The following NPEPPS variants were observed in gnomAD, a reference collection of about 807,000 sequenced individuals.
The protein encoded by NPEPPS is aminopeptidase puromycin sensitive.
NPEPPS carries 14 observed loss-of-function variants against 115.5 expected under a neutral mutation model. The ratio of observed to expected loss-of-function variants is 0.12; its 90% CI spans 0.08 to 0.19. The LOEUF (loss-of-function observed/expected upper bound fraction) is 0.19. Among genes scored for constraint, NPEPPS ranks in the 10% least tolerant of loss-of-function variants. The probability of loss-of-function intolerance (pLI) is 1.00; values close to 1 mark genes in which losing one functional copy is unlikely to be tolerated. For synonymous variants in NPEPPS, 285 were observed against 390.6 expected (o/e 0.73, Z 3.19); for missense variants, 523 against 1,110.8 (o/e 0.47, Z 7.52).
intron 1 of NPEPPS, among the ~76,000 whole-genome samples, chr17:47,538,441 C>T (rs1207648649): frequency 2.1e-5 from 3 of 145,982 alleles, no homozygotes; most frequent in Non-Finnish European, 4.5e-5. Flanking sequence ...CTCAAACACC[C>T]GACCTCAGGT....
chr17:47,534,938 C>A (rs1394495164), intron 1 of NPEPPS, among the ~76,000 whole-genome samples: 1 of 151,886 alleles, frequency 6.6e-6, no homozygotes, highest in Non-Finnish European at 1.5e-5. Context: ...AGTCCATGTT[C>A]AGTGATTTAA....
chr17:47,582,305 C>T (rs1407334924), intron 4 of NPEPPS: 4 of 226,590 alleles, frequency 1.8e-5, no homozygotes, highest in African/African-American at 4.7e-5. Flanking sequence ...GAACAAAGCA[C>T]GTCAAAGATT....
At chr17:47,563,086 C>G (rs1477785883) in intron 2 of NPEPPS, among the ~76,000 whole-genome samples, 1 of 150,396 alleles carries the variant, frequency 6.6e-6, no homozygotes, top group Non-Finnish European at 1.5e-5. Flanking sequence ...GGCTGGAGTG[C>G]AGTGGCGTGA....
chr17:47,569,308 T>G (rs939609869), intron 2 of NPEPPS, 109 bp from the exon 3 acceptor site: 2 of 666,054 alleles, frequency 3.0e-6, no homozygotes, highest in African/African-American at 3.7e-5. Context: ...ATTCACCAAA[T>G]TAAGAATATT....
chr17:47,571,182 T>C (rs1911169000), intron 3 of NPEPPS, among the ~76,000 whole-genome samples: 1 of 152,218 alleles, frequency 6.6e-6, no homozygotes, highest in Non-Finnish European at 1.5e-5. Flanking sequence ...AAGCAGAATA[T>C]AAAATTACAT....
intron 4 of NPEPPS, chr17:47,581,329 A>C (rs1335944893): frequency 6.6e-6 from 1 of 152,106 alleles, no homozygotes; most frequent in Non-Finnish European, 1.5e-5. Flanking sequence ...GATTCCGATA[A>C]TTTTTCAGTG....
upstream of NPEPPS, among the ~76,000 whole-genome samples, chr17:47,527,071 A>G (rs1395824240): frequency 6.6e-6 from 1 of 152,220 alleles, no homozygotes; most frequent in Non-Finnish European, 1.5e-5. Context: ...TCTGCCAATT[A>G]TTAGTGTATG....
At chr17:47,568,170 T>C (rs1166433908) in intron 2 of NPEPPS, among the ~76,000 whole-genome samples, 2 of 151,180 alleles carry the variant, frequency 1.3e-5, no homozygotes, top group African/African-American at 4.8e-5. Flanking sequence ...TTTTTTTTTT[T>C]TTTCTTTTTT....
At chr17:47,616,409 C>G (rs935018175) in intron 19 of NPEPPS, among the ~76,000 whole-genome samples, 7 of 151,862 alleles carry the variant, frequency 4.6e-5, no homozygotes, top group African/African-American at 1.5e-4. Context: ...TTAGGCCAGG[C>G]GCGGTGGCTC....
Position 47,622,776 on chromosome 17 carries a change from A to T in NPEPPS, c.*856A>T. On this transcript the variant is annotated 3_prime_UTR_variant, in exon 23 of 23. Transcript: ENST00000322157. ...AAATTTATATAGGTGAGACAATAGA[A>T]ATAAAAAGATCTTCAGCCAGGCCTT... 2.3e-6 allele frequency: 1 copy of T among 426,256 alleles called. No homozygotes were observed. Among genetic ancestry groups the T allele is most frequent in the Non-Finnish European group, 4.6e-6 (1 of 219,644 alleles). 26.4% of individuals were successfully genotyped at this position (426,256 alleles called of 1,614,324 possible).
chr17:47,580,584 T>C (rs1383903769), intron 4 of NPEPPS: 2 of 152,200 alleles, frequency 1.3e-5, no homozygotes, highest in Non-Finnish European at 2.9e-5. Flanking sequence ...AGCTAGCCCA[T>C]GTTATTCTCC....
intron 17 of NPEPPS, among the ~76,000 whole-genome samples, chr17:47,610,388 T>A (rs1299106893): frequency 6.6e-6 from 1 of 151,744 alleles, no homozygotes; most frequent in South Asian, 2.1e-4. Context: ...TCATTCCTTT[T>A]TTTTTTGGGG....
intron 4 of NPEPPS, chr17:47,582,421 G>C (rs1308501656): frequency 2.3e-5 from 8 of 351,136 alleles, no homozygotes; most frequent in Non-Finnish European, 4.4e-5. Flanking sequence ...TCTGTGCTGT[G>C]TTGTGTTAAC....
intron 15 of NPEPPS, 89 bp from the exon 16 acceptor site, chr17:47,603,826 C>T: frequency 7.9e-7 from 1 of 1,271,612 alleles, no homozygotes; most frequent in South Asian, 1.4e-5. Context: ...CCAGATATAT[C>T]TAAAACCAGA....
At chr17:47,542,865 G>A (rs1220285215) in intron 1 of NPEPPS, among the ~76,000 whole-genome samples, 3 of 151,932 alleles carry the variant, frequency 2.0e-5, no homozygotes, top group Admixed American at 6.6e-5. Flanking sequence ...GAGGCCAGGC[G>A]TGGTGGCTCA....
At chr17:47,541,654 C>T (rs1442115546) in intron 1 of NPEPPS, among the ~76,000 whole-genome samples, 2 of 152,200 alleles carry the variant, frequency 1.3e-5, no homozygotes, top group East Asian at 1.9e-4. Context: ...GGATTACAGG[C>T]ATGAGCCGTC....
intron 17 of NPEPPS, among the ~76,000 whole-genome samples, chr17:47,608,453 CAAAAAAA>C (rs36062497): frequency 3.8e-5 from 3 of 79,176 alleles, no homozygotes; most frequent in East Asian, 7.5e-4. Flanking sequence ...GACTCCGTCT[CAAAAAAA>C]AAAAAAAAAA....
intron 1 of NPEPPS, among the ~76,000 whole-genome samples, chr17:47,534,981 A>C (rs1345073229): frequency 6.6e-6 from 1 of 151,918 alleles, no homozygotes; most frequent in African/African-American, 2.4e-5. Flanking sequence ...ACGGTGGCTC[A>C]CACCTGTAAT....
chr17:47,619,352 G>A (rs1228844519), intron 21 of NPEPPS, 188 bp downstream of exon 21: 10 of 614,626 alleles, frequency 1.6e-5, no homozygotes, highest in Non-Finnish European at 2.3e-5. Flanking sequence ...TCGGGAGTTC[G>A]AGACTATCCT....
Sources: allele counts gnomAD v4.1 joint callset (sites outside exome capture counted in the v4.1 genomes callset), GRCh38; gene constraint gnomAD v4.1.1; transcripts MANE v1.5; gene names NCBI Gene and HGNC (gene_info 2026-07-23, HGNC 2026-07-21).